Variants in LIMS2 observed in about 807,000 individuals in gnomAD.
LIMS2 encodes the protein LIM zinc finger domain containing 2.
LIMS2 carries 30 observed loss-of-function variants against 45.3 expected under a neutral mutation model. The observed-to-expected ratio is 0.66, with a 90% confidence interval of 0.50 to 0.90. LIMS2 has a LOEUF of 0.90. LIMS2 is among the 40% of genes least tolerant of loss of function. The pLI is 0.00. For missense variants in LIMS2, 485 were observed against 468.7 expected, an observed-to-expected ratio of 1.03 and a Z score of -0.32; for synonymous variants, 173 against 188.0, an observed-to-expected ratio of 0.92 and a Z score of 0.65.
intron 1 of LIMS2, among the ~76,000 whole-genome samples, chr2:127,670,899 A>G (rs1261920667): frequency 1.3e-5 from 2 of 152,236 alleles, no homozygotes; most frequent in African/African-American, 4.8e-5. Context: ...TCCTCCAAGG[A>G]CGTGGGTGAG....
chr2:127,657,298 C>A (rs1684320771), intron 2 of LIMS2, 105 bp downstream of exon 2: 3 of 1,386,942 alleles, frequency 2.2e-6, no homozygotes, highest in Admixed American at 1.8e-5. Context: ...TGGCTCCAGA[C>A]CTGGCCCTGT....
intron 1 of LIMS2, chr2:127,674,020 G>A (rs778214644): frequency 6.2e-5 from 27 of 432,330 alleles, no homozygotes; most frequent in Admixed American, 1.4e-4. Flanking sequence ...CAAGTTACAG[G>A]CTATTTTTGG....
intron 4 of LIMS2, chr2:127,643,664 G>A: frequency 2.2e-6 from 1 of 450,574 alleles, no homozygotes; most frequent in East Asian, 7.0e-5. Context: ...TACTCGCTGT[G>A]TTGGACGACA....
chr2:127,671,821 A>G lies in LIMS2; in HGVS notation c.11+3193T>C, dbSNP rs74540880. On this transcript the variant is annotated intron_variant, in intron 1 of 9. Coordinates refer to ENST00000355119, the MANE Select transcript of LIMS2 (RefSeq NM_001161403.3). The surrounding 1 kb of genome is among the most constrained non-coding windows in gnomAD (Gnocchi z 4.1). Reference sequence around the variant, plus strand: ...CAGGGCTCAGTGGTGCCACATCACAAGCCACATCACTTGTTACCCACTTTA... The same window carrying G: ...CAGGGCTCAGTGGTGCCACATCACAGGCCACATCACTTGTTACCCACTTTA... 8.7e-4 allele frequency among the ~76,000 whole-genome samples: 133 copies of G among 152,348 alleles called. 1 individual carries two copies. In the East Asian group the frequency reaches 0.013, roughly 15 times the overall value.
intron 1 of LIMS2, among the ~76,000 whole-genome samples, chr2:127,665,169 G>A (rs1189484836): frequency 6.6e-6 from 1 of 152,162 alleles, no homozygotes; most frequent in Non-Finnish European, 1.5e-5. Context: ...TGTGACCAAG[G>A]TAAGCCTGGT....
Position 127,675,088 on chromosome 2 carries a change from C to T in LIMS2, c.-64G>A. The T allele has an allele frequency of 3.3e-6, 4 of 1,223,880 alleles. No individual in the cohort carries two copies. In the South Asian group the frequency reaches 1.2e-4, roughly 38 times the overall value. The allele number at this position is 1,223,880 out of a possible 1,614,324, so 75.8% of individuals were successfully genotyped here. A position where few individuals can be genotyped will look rare whatever the true frequency, so the allele number is the denominator to read the frequency against. On this transcript the variant is annotated 5_prime_UTR_variant, in exon 1 of 10. Transcript: ENST00000355119. ...CGCGGGTCTCCCTCTGCTGCTGCAG[C>T]CGCCAGCCGAGCGCCCGCCCGCCAG...
Position 127,675,097 on chromosome 2 carries a change from G to A in LIMS2, c.-73C>T, listed in dbSNP as rs1431587469. ...CCCTCTGCTGCTGCAGCCGCCAGCC[G>A]AGCGCCCGCCCGCCAGCCCGGGCCG... On this transcript the variant is annotated 5_prime_UTR_variant, in exon 1 of 10. Coordinates refer to ENST00000355119, the MANE Select transcript of LIMS2 (RefSeq NM_001161403.3). 2 of 1,215,580 alleles carry A rather than the reference G, an allele frequency of 1.6e-6. No homozygotes were observed. The highest frequency in any genetic ancestry group is 2.1e-6 in the Non-Finnish European group (2 of 973,566). The allele number at this position is 1,215,580 out of a possible 1,614,324, so 75.3% of individuals were successfully genotyped here. A position where few individuals can be genotyped will look rare whatever the true frequency, so the allele number is the denominator to read the frequency against.
At position 127,642,795 on chromosome 2, in the gene LIMS2, CCT is replaced by C. The variant is rs1558869728; in HGVS notation, c.509+126_509+127del. Reference sequence around the variant, plus strand: ...GCCCTGCAGCCTTGCTCTCGGGACCCCTCTGTCTGCCCACCCTGCTCCCCTCT... The same window carrying C: ...GCCCTGCAGCCTTGCTCTCGGGACCCCTGTCTGCCCACCCTGCTCCCCTCT... On this transcript the variant is annotated intron_variant, in intron 5 of 9. Coordinates refer to ENST00000355119, the MANE Select transcript of LIMS2 (RefSeq NM_001161403.3). The surrounding 1 kb of genome is among the most constrained non-coding windows in gnomAD (Gnocchi z 5.3). 3 of 1,066,554 alleles carry C rather than the reference CCT, an allele frequency of 2.8e-6. No individual in the cohort carries two copies. The highest frequency in any genetic ancestry group is 5.2e-5 in the East Asian group (2 of 38,260). The allele number at this position is 1,066,554 out of a possible 1,614,324, so 66.1% of individuals were successfully genotyped here. A position where few individuals can be genotyped will look rare whatever the true frequency, so the allele number is the denominator to read the frequency against.
At chr2:127,654,992 G>A (rs1383729227) in intron 2 of LIMS2, 96 bp from the exon 3 acceptor site, 10 of 1,114,512 alleles carry the variant, frequency 9.0e-6, no homozygotes, top group Non-Finnish European at 1.3e-5. Flanking sequence ...AGCAGGGGAT[G>A]AGGCACTGAG....
intron 3 of LIMS2, 64 bp downstream of exon 3, chr2:127,654,766 C>A: frequency 6.4e-7 from 1 of 1,568,242 alleles, no homozygotes; most frequent in South Asian, 1.1e-5. Context: ...CCTCGGCCCC[C>A]TGCCCCCCGC....
chr2:127,642,194 TC>T lies in LIMS2; in HGVS notation c.514del (p.Glu172SerfsTer2). ...DHFNCTHCGK[E>X]LTAEARELKG... Reference sequence around the variant, plus strand: ...CAGCTCGCGGGCCTCGGCTGTCAGCTCCTTCCTGGAAGACAGCGTGCAGCCC... The same window carrying T: ...CAGCTCGCGGGCCTCGGCTGTCAGCTCTTCCTGGAAGACAGCGTGCAGCCC... On this transcript the variant is annotated frameshift_variant, in exon 6 of 10. Transcript: ENST00000355119. LOFTEE classifies it high-confidence loss of function. This position sits in a 1 kb window ranked among gnomAD's most constrained non-coding sequence, Gnocchi z 5.3. The T allele has an allele frequency of 6.4e-7, 1 of 1,553,990 alleles. No homozygotes were observed.
At position 127,642,293 on chromosome 2, in the gene LIMS2, G is replaced by C; in HGVS notation, c.510-94C>G. On this transcript the variant is annotated intron_variant, in intron 5 of 9. Transcript: ENST00000355119. The surrounding 1 kb of genome is among the most constrained non-coding windows in gnomAD (Gnocchi z 5.3). The stretch of plus-strand genomic sequence containing the variant: ...CACCCCAGGGCACGGCTCCCCGAGG[G>C]GCCCATTCTGTCCCTGCAGAGCCGA... The C allele has an allele frequency of 1.5e-6, 2 of 1,361,526 alleles. No individual in the cohort carries two copies. The highest frequency in any genetic ancestry group is 1.9e-6 in the Non-Finnish European group (2 of 1,034,628). 84.3% of individuals were successfully genotyped at this position (1,361,526 alleles called of 1,614,324 possible). A position where few individuals can be genotyped will look rare whatever the true frequency, so the allele number is the denominator to read the frequency against.
Position 127,672,367 on chromosome 2 carries a change from G to A in LIMS2, c.11+2647C>T, listed in dbSNP as rs1049785974. Among the ~76,000 whole-genome samples the A allele has an allele frequency of 6.6e-6, 1 of 152,070 alleles. No homozygotes were observed. The highest frequency in any genetic ancestry group is 1.5e-5 in the Non-Finnish European group (1 of 67,992). ...CACGGCGTGCCACCCCATGCTCTGGGCTGCCTTCACTCCCTGCCCAGCTGG... is the reference window on the plus strand; with the variant it reads ...CACGGCGTGCCACCCCATGCTCTGGACTGCCTTCACTCCCTGCCCAGCTGG... On this transcript the variant is annotated intron_variant, in intron 1 of 9. Transcript: ENST00000355119. This position sits in a 1 kb window ranked among gnomAD's most constrained non-coding sequence, Gnocchi z 4.9.
At chr2:127,657,586 T>A in intron 1 of LIMS2, 24 bp from the exon 2 acceptor site, 1 of 1,580,026 alleles carries the variant, frequency 6.3e-7, no homozygotes, top group South Asian at 1.2e-5. Flanking sequence ...ACAGGAGGAG[T>A]GAGTCAGAGC....
chr2:127,647,317 C>T lies in LIMS2; in HGVS notation c.360-4245G>A, dbSNP rs1229514461. On this transcript the variant is annotated intron_variant, in intron 4 of 9. Transcript: ENST00000355119. The surrounding 1 kb of genome is among the most constrained non-coding windows in gnomAD (Gnocchi z 4.3). ...GACTGAGTCACACTCCCCACCCTGG[C>T]GGTCTTCCAGGGAGTGAGACCGTTT... is the stretch of plus-strand genomic sequence containing the variant. Among the ~76,000 whole-genome samples, 2 of 152,184 alleles carry T rather than the reference C, an allele frequency of 1.3e-5. No homozygotes were observed. The highest frequency in any genetic ancestry group is 4.8e-5 in the African/African-American group (2 of 41,444).
intron 4 of LIMS2, chr2:127,649,925 G>A (rs985187296): frequency 1.1e-5 from 12 of 1,126,048 alleles, no homozygotes; most frequent in Non-Finnish European, 1.6e-5. Context: ...CCTGGTGGTG[G>A]ATCTACTCTG....
rs923099869 is a variant in LIMS2 at position 127,638,879 on chromosome 2, G to A, written c.*402C>T. 9.4e-5 allele frequency: 18 copies of A among 191,748 alleles called. No homozygotes were observed. Among genetic ancestry groups the A allele is most frequent in the East Asian group, 1.6e-4 (1 of 6,414 alleles). The allele number at this position is 191,748 out of a possible 1,614,324, so 11.9% of individuals were successfully genotyped here. A position where few individuals can be genotyped will look rare whatever the true frequency, so the allele number is the denominator to read the frequency against. Reference sequence around the variant, plus strand: ...TGTGGGTAGCCCAGGAGCCACATGCGCTTAGTGGGGCCGCTCTGGGGCAGG... The same window carrying A: ...TGTGGGTAGCCCAGGAGCCACATGCACTTAGTGGGGCCGCTCTGGGGCAGG... On this transcript the variant is annotated 3_prime_UTR_variant, in exon 10 of 10. Transcript: ENST00000355119.
At chr2:127,648,886 T>A (rs1448686707) in intron 4 of LIMS2, among the ~76,000 whole-genome samples, 1 of 146,178 alleles carries the variant, frequency 6.8e-6, no homozygotes, top group Non-Finnish European at 1.5e-5. Flanking sequence ...ACCACTGCAC[T>A]CCAGCCTGGG....
intron 4 of LIMS2, chr2:127,652,018 G>A: frequency 1.9e-6 from 1 of 531,370 alleles, no homozygotes; most frequent in Non-Finnish European, 3.4e-6. Flanking sequence ...CAGGGAGAGA[G>A]GAGGCCGGAA....
Sources: gnomAD v4.1 joint callset for allele counts (sites outside exome capture counted in the v4.1 genomes callset) on GRCh38, gnomAD v4.1.1 for gene constraint, Gnocchi (gnomAD v3.1) non-coding constraint, MANE v1.5 for transcripts, NCBI Gene and HGNC (gene_info 2026-07-23, HGNC 2026-07-21) for gene names.